The following LPCAT1 variants were observed in gnomAD, a reference collection of about 807,000 sequenced individuals.
LPCAT1 encodes the protein 1-acylglycerol-3-phosphate O-acyltransferase.
In LPCAT1, 23 loss-of-function variants were observed where a neutral mutation model predicts 60.9. The ratio of observed to expected loss-of-function variants is 0.38; its 90% CI spans 0.27 to 0.53. The LOEUF is 0.53. Ranked by LOEUF, LPCAT1 falls within the 20% of genes least tolerant of loss-of-function variation. LPCAT1 has a pLI of 0.82. For synonymous variants in LPCAT1, 340 were observed against 301.1 expected (o/e 1.13, Z -1.34); for missense variants, 622 against 723.6 (o/e 0.86, Z 1.61).
Position 1,523,920 on chromosome 5 carries a change from T to TCTCGGGGCGCGGGC in LPCAT1, c.-90_-77dup, listed in dbSNP as rs1257541276. 3 of 959,248 alleles carry TCTCGGGGCGCGGGC rather than the reference T, an allele frequency of 3.1e-6. No homozygotes were observed. The highest frequency in any genetic ancestry group is 2.2e-4 in the East Asian group (2 of 9,242). 59.4% of individuals were successfully genotyped at this position (959,248 alleles called of 1,614,324 possible). On this transcript the variant is annotated 5_prime_UTR_variant, in exon 1 of 14. Coordinates refer to ENST00000283415, the MANE Select transcript of LPCAT1 (RefSeq NM_024830.5). This position sits in a 1 kb window ranked among gnomAD's most constrained non-coding sequence, Gnocchi z 7.1. Reference sequence around the variant, plus strand: ...GGGGCCGGGGCTAGCTGGGCGCGGGTCTCGGGGCGCGGGCCGAGGATGCGC... The same window carrying TCTCGGGGCGCGGGC: ...GGGGCCGGGGCTAGCTGGGCGCGGGTCTCGGGGCGCGGGCCTCGGGGCGCGGGCCGAGGATGCGC...
intron 8 of LPCAT1, among the ~76,000 whole-genome samples, chr5:1,479,279 G>A (rs1735038419): frequency 6.6e-6 from 1 of 152,226 alleles, no homozygotes. Flanking sequence ...TTACGTGGGA[G>A]GCTGAGGCAG....
At chr5:1,466,934 CCACCAGGCCCCGCT>C (rs1193840149) in intron 12 of LPCAT1, 44 bp from the exon 13 acceptor site, 1 of 1,483,710 alleles carries the variant, frequency 6.7e-7, no homozygotes, top group Non-Finnish European at 9.0e-7. Flanking sequence ...CCTCCCCTGC[CCACCAGGCCCCGCT>C]GTCCAGGGAC....
At position 1,462,104 on chromosome 5, in the gene LPCAT1, G is replaced by GT. The variant is rs1327307707; in HGVS notation, c.*1546dup. 2 of 152,464 alleles carry GT rather than the reference G, an allele frequency of 1.3e-5. No homozygotes were observed. The highest frequency in any genetic ancestry group is 6.5e-5 in the Admixed American group (1 of 15,284). 9.4% of individuals were successfully genotyped at this position (152,464 alleles called of 1,614,324 possible). On this transcript the variant is annotated 3_prime_UTR_variant, in exon 14 of 14. Transcript: ENST00000283415. ...TAAATGTCTGTCAGTGGAGAAACGC[G>GT]TATCACGAATCTCTGAGGAAGTTAG... is the stretch of plus-strand genomic sequence containing the variant.
Position 1,494,186 on chromosome 5 carries a change from C to T in LPCAT1, c.493+514G>A, listed in dbSNP as rs368759124. Among the ~76,000 whole-genome samples, 13 of 152,232 alleles carry T rather than the reference C, an allele frequency of 8.5e-5. 1 individual carries two copies. The East Asian group carries it at 9.6e-4, about 11-fold the overall frequency. On this transcript the variant is annotated intron_variant, in intron 3 of 13. Transcript: ENST00000283415. Reference sequence around the variant, plus strand: ...AGCCGCGGTGCATGGGCAGCCCTGCCGACCTGCTCCCAAAGACTTCCAGAA... The same window carrying T: ...AGCCGCGGTGCATGGGCAGCCCTGCTGACCTGCTCCCAAAGACTTCCAGAA...
At position 1,502,005 on chromosome 5, in the gene LPCAT1, C is replaced by T. The variant is rs781346006; in HGVS notation, c.136-402G>A. On this transcript the variant is annotated intron_variant, in intron 1 of 13. Coordinates refer to ENST00000283415, the MANE Select transcript of LPCAT1 (RefSeq NM_024830.5). This position sits in a 1 kb window ranked among gnomAD's most constrained non-coding sequence, Gnocchi z 5.5. ...CTGACTGGCACTGACCAAGGCTGACCAACATTGACCGGCACTGACCAAGGC... is the reference window on the plus strand; with the variant it reads ...CTGACTGGCACTGACCAAGGCTGACTAACATTGACCGGCACTGACCAAGGC... 2.4e-4 allele frequency among the ~76,000 whole-genome samples: 36 copies of T among 152,078 alleles called. No individual in the cohort carries two copies. Among genetic ancestry groups the T allele is most frequent in the Non-Finnish European group, 4.6e-4 (31 of 67,996 alleles).
Position 1,483,534 on chromosome 5 carries a change from C to T in LPCAT1, c.668-48G>A, listed in dbSNP as rs1297121474. ...GTTGCCCATGGCAGCCCACGCAGGA[C>T]AGCGTCTGCTGCGTTTCTCATGCTG... On this transcript the variant is annotated intron_variant, in intron 5 of 13. Coordinates refer to ENST00000283415, the MANE Select transcript of LPCAT1 (RefSeq NM_024830.5). The surrounding 1 kb of genome is among the most constrained non-coding windows in gnomAD (Gnocchi z 9.2). 1 of 1,586,626 alleles carries T rather than the reference C, an allele frequency of 6.3e-7. No individual in the cohort carries two copies. The highest frequency in any genetic ancestry group is 2.2e-5 in the East Asian group (1 of 44,670).
intron 3 of LPCAT1, among the ~76,000 whole-genome samples, chr5:1,491,511 GGAGGACTCT>G (rs977481048): frequency 6.6e-6 from 1 of 152,044 alleles, no homozygotes; most frequent in Non-Finnish European, 1.5e-5. Flanking sequence ...GGGTGCAGGG[GGAGGACTCT>G]GAGTGAAGTC....
At position 1,490,418 on chromosome 5, in the gene LPCAT1, T is replaced by G. The variant is rs556011110; in HGVS notation, c.494-560A>C. Among the ~76,000 whole-genome samples, 372 of 152,068 alleles carry G rather than the reference T, an allele frequency of 2.4e-3. 1 individual carries two copies. The highest frequency in any genetic ancestry group is 8.6e-3 in the African/African-American group (357 of 41,474). On this transcript the variant is annotated intron_variant, in intron 3 of 13. Coordinates refer to ENST00000283415, the MANE Select transcript of LPCAT1 (RefSeq NM_024830.5). ...CTAAAATCCCAGATGAGGGTCCCTA[T>G]GGGAAGAGGAGACGAAGAGGGGGAG...
chr5:1,489,662 G>T, intron 4 of LPCAT1, 84 bp downstream of exon 4: 1 of 998,132 alleles, frequency 1.0e-6, no homozygotes, highest in Non-Finnish European at 1.6e-6. Flanking sequence ...CGGAGGAAGG[G>T]CCCCAGTTTC....
chr5:1,522,006 C>T lies in LPCAT1; in HGVS notation c.135+1704G>A, dbSNP rs1479487572. On this transcript the variant is annotated intron_variant, in intron 1 of 13. Coordinates refer to ENST00000283415, the MANE Select transcript of LPCAT1 (RefSeq NM_024830.5). This position sits in a 1 kb window ranked among gnomAD's most constrained non-coding sequence, Gnocchi z 6.8. ...ATGACAGGGATGACGAAGTGGCCTC[C>T]GGGGACCTCCAGGGAGGGGCTTGAT... 6.6e-6 allele frequency among the ~76,000 whole-genome samples: 1 copy of T among 152,176 alleles called. No homozygotes were observed. Among genetic ancestry groups the T allele is most frequent in the Non-Finnish European group, 1.5e-5 (1 of 68,018 alleles).
intron 1 of LPCAT1, among the ~76,000 whole-genome samples, chr5:1,507,050 A>T (rs1419572743): frequency 6.6e-6 from 1 of 152,198 alleles, no homozygotes; most frequent in East Asian, 1.9e-4. Context: ...CAAGGTGGGC[A>T]GATGTGGGGA....
In LPCAT1 at chr5:1,474,605, G is replaced by A. The variant is rs778062419; in HGVS notation, c.980C>T (p.Ala327Val). Residue 327 changes from alanine to valine, a missense_variant, in exon 10 of 14, where the codon GCT becomes GTT. Physicochemically the swap from Ala to Val is moderately conservative, Grantham distance 64. Around this residue, in one of 3 missense-constraint regions of LPCAT1, gnomAD observed 288 missense variants for 283.6 expected, o/e 1.02. Transcript: ENST00000283415. ...GGCAAATTCTAAAAGGCAAGTGTCA[G>A]CGGGGAGACGGAGCTGTCCTTCCGC... Reference protein sequence around the residue: ...ALAEGQLRLPADTCLLEFARL... With the variant: ...ALAEGQLRLPVDTCLLEFARL... 3 of 1,614,058 alleles carry A rather than the reference G, an allele frequency of 1.9e-6. No individual in the cohort carries two copies. The highest frequency in any genetic ancestry group is 1.7e-5 in the Admixed American group (1 of 60,016).
chr5:1,504,514 C>T (rs1026908725), intron 1 of LPCAT1, among the ~76,000 whole-genome samples: 3 of 152,082 alleles, frequency 2.0e-5, no homozygotes, highest in African/African-American at 4.8e-5. Flanking sequence ...GTCGGGAGTT[C>T]GAGACCAGCC....
chr5:1,510,386 A>C lies in LPCAT1; in HGVS notation c.136-8783T>G, dbSNP rs570969270. ...CTGTCATCTCTACTCCACCGTCCTC[A>C]CCAGAACCCTCGGCACCATCACCTA... On this transcript the variant is annotated intron_variant, in intron 1 of 13. Coordinates refer to ENST00000283415, the MANE Select transcript of LPCAT1 (RefSeq NM_024830.5). 3.3e-5 allele frequency among the ~76,000 whole-genome samples: 5 copies of C among 152,284 alleles called. 1 individual carries two copies. The South Asian group carries it at 1.0e-3, about 32-fold the overall frequency.
chr5:1,516,910 T>C (rs892959808), intron 1 of LPCAT1, among the ~76,000 whole-genome samples: 1 of 152,212 alleles, frequency 6.6e-6, no homozygotes, highest in Non-Finnish European at 1.5e-5. Flanking sequence ...GCACCTCACC[T>C]TTAACACACC....
intron 13 of LPCAT1, among the ~76,000 whole-genome samples, chr5:1,465,615 A>G (rs10068779): frequency 0.058 from 8,784 of 151,568 alleles, 281 homozygotes; most frequent in Middle Eastern, 0.086. Context: ...ACACGTGCGC[A>G]CACACACAAA....
At chr5:1,492,355 ACCTGGGGAGATGGTTTTGAGCTGGAG>A (rs1735620773) in intron 3 of LPCAT1, among the ~76,000 whole-genome samples, 1 of 142,926 alleles carries the variant, frequency 7.0e-6, no homozygotes, top group Admixed American at 6.8e-5. Context: ...CTGAGCTGGG[ACCTGGGGAGATGGTTTTGAGCTGGAG>A]CCTGGGGAGA....
In LPCAT1 at chr5:1,463,380, C is replaced by T; in HGVS notation, c.*271G>A. 1 of 458,600 alleles carries T rather than the reference C, an allele frequency of 2.2e-6. No individual in the cohort carries two copies. The highest frequency in any genetic ancestry group is 3.6e-5 in the East Asian group (1 of 27,884). 28.4% of individuals were successfully genotyped at this position (458,600 alleles called of 1,614,324 possible). On this transcript the variant is annotated 3_prime_UTR_variant, in exon 14 of 14. Transcript: ENST00000283415. The stretch of plus-strand genomic sequence containing the variant: ...GAGAACACGGGGCGGCACCGGTGCC[C>T]CCCGCCCGGCAGGGAACCTGACCCC...
In LPCAT1 at chr5:1,480,139, C is replaced by T. The variant is rs1291467661; in HGVS notation, c.762-464G>A. Among the ~76,000 whole-genome samples the T allele has an allele frequency of 6.6e-6, 1 of 151,910 alleles. No individual in the cohort carries two copies. The highest frequency in any genetic ancestry group is 1.5e-5 in the Non-Finnish European group (1 of 67,984). ...GGAGCTGCTCCCAGGGCCACACTCA[C>T]GCCTCCGACAGCCCAGTGCCCCAAC... On this transcript the variant is annotated intron_variant, in intron 7 of 13. Coordinates refer to ENST00000283415, the MANE Select transcript of LPCAT1 (RefSeq NM_024830.5). This position sits in a 1 kb window ranked among gnomAD's most constrained non-coding sequence, Gnocchi z 6.4.
Sources: gnomAD v4.1 joint callset for allele counts (sites outside exome capture counted in the v4.1 genomes callset) on GRCh38, gnomAD v4.1.1 for gene constraint, gnomAD v4.1.1 regional missense constraint, Gnocchi (gnomAD v3.1) non-coding constraint, MANE v1.5 for transcripts, NCBI Gene and HGNC (gene_info 2026-07-23, HGNC 2026-07-21) for gene names.